Variants in RHOJ observed in about 807,000 individuals in gnomAD.
RHOJ encodes the protein ras homolog family member J, also known as rho-related GTP-binding protein RhoJ.
RHOJ carries 11 observed loss-of-function variants against 23.4 expected under a neutral mutation model. The ratio of observed to expected loss-of-function variants is 0.47; its 90% CI spans 0.30 to 0.78. The LOEUF (loss-of-function observed/expected upper bound fraction) is 0.78. RHOJ is among the 30% of genes least tolerant of loss of function. The pLI, the probability that RHOJ is intolerant of heterozygous loss-of-function variation, is 0.08. For synonymous variants in RHOJ, 102 were observed against 102.7 expected, an observed-to-expected ratio of 0.99 and a Z score of 0.04; for missense variants, 254 against 273.4, an observed-to-expected ratio of 0.93 and a Z score of 0.50.
intron 1 of RHOJ, among the ~76,000 whole-genome samples, chr14:63,225,328 C>T (rs1289339659): frequency 1.3e-5 from 2 of 152,112 alleles, no homozygotes; most frequent in African/African-American, 2.4e-5. Flanking sequence ...ACATGAATTG[C>T]CTCCAGCTTT....
chr14:63,263,258 C>G (rs1895304151), intron 1 of RHOJ, among the ~76,000 whole-genome samples: 1 of 152,180 alleles, frequency 6.6e-6, no homozygotes, highest in Non-Finnish European at 1.5e-5. Flanking sequence ...CTCTTTGAAC[C>G]TCACTATGTT....
At chr14:63,220,575 G>A (rs1444001387) in intron 1 of RHOJ, among the ~76,000 whole-genome samples, 1 of 152,062 alleles carries the variant, frequency 6.6e-6, no homozygotes, top group African/African-American at 2.4e-5. Context: ...ACAAGCCGAG[G>A]AACTACCCAG....
chr14:63,228,209 C>A (rs1054938822), intron 1 of RHOJ, among the ~76,000 whole-genome samples: 1 of 152,172 alleles, frequency 6.6e-6, no homozygotes, highest in Non-Finnish European at 1.5e-5. Context: ...TTTACACTAA[C>A]TTTGTATTTC....
intron 1 of RHOJ, among the ~76,000 whole-genome samples, chr14:63,254,531 C>T (rs1195400569): frequency 6.6e-6 from 1 of 152,156 alleles, no homozygotes; most frequent in East Asian, 1.9e-4. Flanking sequence ...GCCTTAGAGG[C>T]TTCTCTTTGC....
At chr14:63,285,075 A>G (rs1882039034) in intron 4 of RHOJ, among the ~76,000 whole-genome samples, 1 of 152,034 alleles carries the variant, frequency 6.6e-6, no homozygotes, top group African/African-American at 2.4e-5. Flanking sequence ...AAGTTTCTCT[A>G]CTCTCTGACT....
At chr14:63,222,569 T>C (rs1387402104) in intron 1 of RHOJ, among the ~76,000 whole-genome samples, 1 of 152,254 alleles carries the variant, frequency 6.6e-6, no homozygotes, top group Admixed American at 6.5e-5. Flanking sequence ...ATTTCTCTGA[T>C]GGCCAGTGAT....
chr14:63,210,240 G>A (rs550353605), intron 1 of RHOJ, among the ~76,000 whole-genome samples: 5 of 152,004 alleles, frequency 3.3e-5, no homozygotes, highest in East Asian at 3.9e-4. Context: ...GATTACAGGC[G>A]TGAACCACCA....
rs1393355190 is a variant in RHOJ, at chr14:63,281,119, T to A, written c.386T>A (p.Val129Asp). 1 of 1,611,506 alleles carries A rather than the reference T, an allele frequency of 6.2e-7. No individual in the cohort carries two copies. Among genetic ancestry groups the A allele is most frequent in the Non-Finnish European group, 8.5e-7 (1 of 1,179,256 alleles). Residue 129 changes from valine (V) to aspartate (D), a missense_variant, in exon 3 of 5, where the codon GTC (valine) becomes GAC (aspartate). By Grantham distance (152) the Val-to-Asp change is radical. Transcript: ENST00000316754. Reference protein sequence around the residue: ...LKDCMPHVPYVLIGTQIDLRD... With the variant: ...LKDCMPHVPYDLIGTQIDLRD... ...GACTGCATGCCTCACGTGCCTTATG[T>A]CCTCATAGGGACCCAGGTTAAAATG...
At chr14:63,212,390 T>TA (rs1320420846) in intron 1 of RHOJ, among the ~76,000 whole-genome samples, 9 of 151,936 alleles carry the variant, frequency 5.9e-5, no homozygotes, top group African/African-American at 1.5e-4. Flanking sequence ...TTCCCACATG[T>TA]AAAAAAAACT....
intron 1 of RHOJ, among the ~76,000 whole-genome samples, chr14:63,221,126 C>G (rs921491780): frequency 6.6e-6 from 1 of 151,960 alleles, no homozygotes; most frequent in South Asian, 2.1e-4. Context: ...TCCAGGAGTT[C>G]GAGACCAGCC....
chr14:63,255,236 C>G (rs542047461), intron 1 of RHOJ, among the ~76,000 whole-genome samples: 132 of 152,300 alleles, frequency 8.7e-4, no homozygotes, highest in African/African-American at 3.1e-3. Flanking sequence ...AGGAATTCAT[C>G]CGGGACCATG....
chr14:63,221,172 A>T (rs982850045), intron 1 of RHOJ, among the ~76,000 whole-genome samples: 1 of 152,058 alleles, frequency 6.6e-6, no homozygotes, highest in African/African-American at 2.4e-5. Context: ...CTACAAAAAA[A>T]TTTTTAAATG....
intron 1 of RHOJ, among the ~76,000 whole-genome samples, chr14:63,257,283 A>C (rs1387368644): frequency 6.9e-6 from 1 of 145,760 alleles, no homozygotes; most frequent in South Asian, 2.2e-4. Context: ...GCTCACCCCG[A>C]CCCAGTCCCC....
intron 2 of RHOJ, among the ~76,000 whole-genome samples, chr14:63,275,229 T>C (rs933591779): frequency 2.0e-5 from 3 of 152,070 alleles, no homozygotes; most frequent in Non-Finnish European, 4.4e-5. Flanking sequence ...GGAGAAAGGA[T>C]CACTTGAGCC....
In RHOJ at chr14:63,230,841, C is replaced by CT. The variant is rs57848893; in HGVS notation, c.178+25812dup. On this transcript the variant is annotated intron_variant, in intron 1 of 4. Transcript: ENST00000316754. ...AATGGAAGTTTACAAGGGTACAAGG[C>CT]TTTTTTTTTTTTTTTTTTAGATGGA... Among the ~76,000 whole-genome samples, 409 of 95,250 alleles carry CT rather than the reference C, an allele frequency of 4.3e-3. 33 individuals carry two copies. Among genetic ancestry groups the CT allele is most frequent in the Admixed American group, 6.2e-3 (61 of 9,880 alleles). The allele number at this position is 95,250 out of a possible 152,430, so 62.5% of individuals were successfully genotyped here.
At chr14:63,225,863 C>A (rs150757991) in intron 1 of RHOJ, among the ~76,000 whole-genome samples, 4 of 152,214 alleles carry the variant, frequency 2.6e-5, no homozygotes, top group African/African-American at 7.2e-5. Context: ...ATTAATCTTG[C>A]AGGTATCAGA....
At chr14:63,211,309 C>G (rs965104146) in intron 1 of RHOJ, among the ~76,000 whole-genome samples, 1 of 152,142 alleles carries the variant, frequency 6.6e-6, no homozygotes, top group African/African-American at 2.4e-5. Context: ...CTCTTTTGCT[C>G]TTTCTGAAGA....
intron 1 of RHOJ, among the ~76,000 whole-genome samples, chr14:63,244,385 G>A (rs1894938623): frequency 6.7e-6 from 1 of 150,192 alleles, no homozygotes; most frequent in Non-Finnish European, 1.5e-5. Flanking sequence ...TGACCAACAT[G>A]GAGAAACACC....
chr14:63,286,302 A>C (rs1882080701), intron 4 of RHOJ, among the ~76,000 whole-genome samples: 1 of 152,232 alleles, frequency 6.6e-6, no homozygotes, highest in Non-Finnish European at 1.5e-5. Context: ...TAAACACAGT[A>C]ACACACATCT....
Sources: allele counts gnomAD v4.1 joint callset (sites outside exome capture counted in the v4.1 genomes callset), GRCh38; gene constraint gnomAD v4.1.1; transcripts MANE v1.5; gene names NCBI Gene and HGNC (gene_info 2026-07-23, HGNC 2026-07-21).